The following ADGRL3 variants were observed in gnomAD, a reference collection of about 807,000 sequenced individuals.
The protein encoded by ADGRL3 is calcium-independent alpha-latrotoxin receptor 3.
In ADGRL3, 62 loss-of-function variants were observed where a neutral mutation model predicts 153.5. The ratio of observed to expected loss-of-function variants is 0.40; its 90% CI spans 0.33 to 0.50. ADGRL3 has a LOEUF of 0.50. Ranked by LOEUF, ADGRL3 falls within the 20% of genes least tolerant of loss-of-function variation. ADGRL3 has a pLI of 0.47. For synonymous variants in ADGRL3, 710 were observed against 672.5 expected (o/e 1.06, Z -0.86); for missense variants, 1,641 against 1,859.4 (o/e 0.88, Z 2.16).
chr4:61,428,886 ATC>A (rs879703607), intron 2 of ADGRL3, among the ~76,000 whole-genome samples: 118 of 87,126 alleles, frequency 1.4e-3, no homozygotes, highest in South Asian at 6.5e-3. Flanking sequence ...TCATCTATCT[ATC>A]TATATCATCT....
chr4:61,204,913 A>C (rs1736429941), intron 1 of ADGRL3, among the ~76,000 whole-genome samples: 2 of 152,146 alleles, frequency 1.3e-5, no homozygotes, highest in Admixed American at 6.5e-5. Flanking sequence ...ATATGAATGG[A>C]AAGTCTTTCA....
chr4:61,745,331 A>C (rs1469038651), intron 8 of ADGRL3, among the ~76,000 whole-genome samples: 2 of 152,186 alleles, frequency 1.3e-5, no homozygotes, highest in African/African-American at 2.4e-5. Flanking sequence ...AAGGCAGGCC[A>C]ACATTCAGAC....
chr4:62,040,646 C>G (rs910096218), intron 24 of ADGRL3, among the ~76,000 whole-genome samples: 1 of 152,010 alleles, frequency 6.6e-6, no homozygotes, highest in Non-Finnish European at 1.5e-5. Flanking sequence ...ATCTTCTAAT[C>G]TCTGGGGATA....
chr4:61,714,536 A>G (rs1194925860), intron 6 of ADGRL3, among the ~76,000 whole-genome samples: 4 of 152,114 alleles, frequency 2.6e-5, no homozygotes, highest in Non-Finnish European at 5.9e-5. Context: ...ATTTGTCTTT[A>G]CACATTCTTC....
At chr4:61,215,637 C>T (rs1443263730) in intron 1 of ADGRL3, among the ~76,000 whole-genome samples, 1 of 149,994 alleles carries the variant, frequency 6.7e-6, no homozygotes, top group Non-Finnish European at 1.5e-5. Flanking sequence ...CTGCAAGCTC[C>T]GCCTCCCGGG....
At chr4:61,938,888 T>A (rs868652862) in intron 15 of ADGRL3, among the ~76,000 whole-genome samples, 10 of 94,228 alleles carry the variant, frequency 1.1e-4, no homozygotes, top group East Asian at 7.9e-4. Flanking sequence ...AAAAAAAAAA[T>A]TTTTTTTTTT....
chr4:61,259,033 T>C (rs2092272321), intron 1 of ADGRL3, among the ~76,000 whole-genome samples: 1 of 152,188 alleles, frequency 6.6e-6, no homozygotes, highest in Non-Finnish European at 1.5e-5. Flanking sequence ...CCAGGCACAC[T>C]TCCTCATCAA....
chr4:61,931,942 T>G, intron 13 of ADGRL3, among the ~76,000 whole-genome samples: 1 of 152,144 alleles, frequency 6.6e-6, no homozygotes, highest in East Asian at 1.9e-4. Flanking sequence ...ACAAAGTTTT[T>G]TAGATAAAGC....
At chr4:61,283,764 G>A (rs1328279004) in intron 1 of ADGRL3, among the ~76,000 whole-genome samples, 1 of 151,884 alleles carries the variant, frequency 6.6e-6, no homozygotes, top group East Asian at 1.9e-4. Flanking sequence ...TATCCTCAGG[G>A]TCTTCTGGCT....
chr4:61,744,064 C>T (rs551992094), intron 8 of ADGRL3, among the ~76,000 whole-genome samples: 9 of 152,288 alleles, frequency 5.9e-5, no homozygotes, highest in East Asian at 1.9e-4. Context: ...GATTATATCC[C>T]GCACCTGGCT....
chr4:61,307,215 A>C (rs139835647), intron 1 of ADGRL3, among the ~76,000 whole-genome samples: 29 of 152,336 alleles, frequency 1.9e-4, no homozygotes, highest in African/African-American at 6.7e-4. Flanking sequence ...TAAGACTGGA[A>C]AGATATTTTG....
At chr4:61,862,470 G>A (rs2098352015) in intron 9 of ADGRL3, among the ~76,000 whole-genome samples, 1 of 152,168 alleles carries the variant, frequency 6.6e-6, no homozygotes, top group South Asian at 2.1e-4. Flanking sequence ...CAGGAGAGAA[G>A]GAGATGGGAC....
intron 21 of ADGRL3, among the ~76,000 whole-genome samples, chr4:62,006,723 C>T (rs189755701): frequency 6.6e-6 from 1 of 151,028 alleles, no homozygotes; most frequent in East Asian, 1.9e-4. Context: ...ACTTTTAAAA[C>T]ATTAAGAAAA....
chr4:61,276,277 G>A (rs372705718), intron 1 of ADGRL3, among the ~76,000 whole-genome samples: 15 of 152,152 alleles, frequency 9.9e-5, no homozygotes, highest in African/African-American at 3.6e-4. Context: ...TTAGAGGTAT[G>A]TCAGCCATAA....
At chr4:62,026,122 A>T (rs983732192) in intron 21 of ADGRL3, among the ~76,000 whole-genome samples, 1 of 152,196 alleles carries the variant, frequency 6.6e-6, no homozygotes, top group Admixed American at 6.5e-5. Flanking sequence ...TTTTTGGGAT[A>T]AAATAAATGC....
chr4:61,292,640 T>C (rs144919334), intron 1 of ADGRL3, among the ~76,000 whole-genome samples: 24 of 152,266 alleles, frequency 1.6e-4, no homozygotes, highest in African/African-American at 5.5e-4. Context: ...ATAACACAAA[T>C]ACCAGAGCAT....
intron 8 of ADGRL3, among the ~76,000 whole-genome samples, chr4:61,790,337 AT>A (rs2097326764): frequency 6.6e-6 from 1 of 152,166 alleles, no homozygotes; most frequent in African/African-American, 2.4e-5. Context: ...TTGTACATTC[AT>A]TTATGTATAG....
chr4:61,934,503 A>AT lies in ADGRL3; in HGVS notation c.2113-328dup, dbSNP rs201688581. On this transcript the variant is annotated intron_variant, in intron 13 of 26. Coordinates refer to ENST00000683033, the MANE Select transcript of ADGRL3 (RefSeq NM_001387552.1). ...GTCATGTGGTAAAACTCTTGGTTGAATTTTTTTTTCAACAGTTCCCCAGCC... is the reference window on the plus strand; with the variant it reads ...GTCATGTGGTAAAACTCTTGGTTGAATTTTTTTTTTCAACAGTTCCCCAGCC... Among the ~76,000 whole-genome samples, 8 of 151,572 alleles carry AT rather than the reference A, an allele frequency of 5.3e-5. No homozygotes were observed. In the South Asian group the frequency reaches 8.4e-4, roughly 16 times the overall value.
intron 1 of ADGRL3, among the ~76,000 whole-genome samples, chr4:61,288,201 C>A (rs555814000): frequency 6.6e-6 from 1 of 152,044 alleles, no homozygotes; most frequent in African/African-American, 2.4e-5. Context: ...CTTACTCTCT[C>A]CCTAAGGTAT....
Sources: gnomAD v4.1 joint callset for allele counts (sites outside exome capture counted in the v4.1 genomes callset) on GRCh38, gnomAD v4.1.1 for gene constraint, MANE v1.5 for transcripts, NCBI Gene and HGNC (gene_info 2026-07-23, HGNC 2026-07-21) for gene names.